Variants in OGG1 observed in about 807,000 individuals in gnomAD.
OGG1 encodes the protein N-glycosylase/DNA lyase.
Under a neutral mutation model 42.3 loss-of-function variants are expected in OGG1, and 35 were observed. The ratio of observed to expected loss-of-function variants is 0.83; its 90% confidence interval spans 0.63 to 1.10. The LOEUF (loss-of-function observed/expected upper bound fraction) is 1.10, where lower values mean the gene tolerates loss of function less well. Among genes scored for constraint, OGG1 ranks in the 50% least tolerant of loss-of-function variants. The pLI is 0.00. For missense variants in OGG1, 484 were observed against 446.7 expected (o/e 1.08, Z -0.75); for synonymous variants, 189 against 179.0 (o/e 1.06, Z -0.44).
Position 9,775,786 on chromosome 3 carries a change from C to T in OGG1, c.295-5727C>T, listed in dbSNP as rs574743287. On this transcript the variant is annotated intron_variant, in intron 2 of 3. Coordinates refer to the OGG1 transcript ENST00000426518. Reference sequence around the variant, plus strand: ...TCCCAAGTAGCTGGGATTACAGGTGCGTGCCACCATGCCTGGCTACGTTTT... The same window carrying T: ...TCCCAAGTAGCTGGGATTACAGGTGTGTGCCACCATGCCTGGCTACGTTTT... Among the ~76,000 whole-genome samples the T allele has an allele frequency of 1.2e-3, 187 of 152,086 alleles. 2 individuals carry two copies. The highest frequency in any genetic ancestry group is 1.7e-3 in the Non-Finnish European group (116 of 67,992).
chr3:9,782,894 C>T (rs535911837), intron 3 of OGG1, among the ~76,000 whole-genome samples: 12 of 152,036 alleles, frequency 7.9e-5, no homozygotes, highest in South Asian at 2.1e-4. Flanking sequence ...GAGACTTGTT[C>T]GGGTTGCTTC....
intron 3 of OGG1, among the ~76,000 whole-genome samples, chr3:9,782,236 T>G (rs1034125782): frequency 6.6e-6 from 1 of 152,216 alleles, no homozygotes; most frequent in African/African-American, 2.4e-5. Context: ...TGTTTTCTTC[T>G]TCTCACCTTT....
intron 7 of OGG1, among the ~76,000 whole-genome samples, chr3:9,764,035 T>C (rs2078020681): frequency 6.6e-6 from 1 of 152,118 alleles, no homozygotes; most frequent in Admixed American, 6.6e-5. Context: ...TTTGTCAGCC[T>C]CCCCCACCAG....
At chr3:9,785,474 C>T (rs1268172192) in intron 3 of OGG1, 4 of 1,314,264 alleles carry the variant, frequency 3.0e-6, no homozygotes, top group Non-Finnish European at 4.4e-6. Flanking sequence ...GTTCCACTTT[C>T]CTGCTCCTTT....
chr3:9,758,923 C>G (rs1232759535), downstream of OGG1: 1 of 430,818 alleles, frequency 2.3e-6, no homozygotes, highest in Non-Finnish European at 4.3e-6. Context: ...AGCCACCATG[C>G]CTGGCCCTGA....
exon 8 of OGG1, chr3:9,766,616 T>C: frequency 9.6e-7 from 1 of 1,042,752 alleles, no homozygotes; most frequent in Non-Finnish European, 1.2e-6. Flanking sequence ...TAGAACAGGT[T>C]CTTAAAAAGG....
downstream of OGG1, chr3:9,761,655 C>A: frequency 6.2e-7 from 1 of 1,614,120 alleles, no homozygotes; most frequent in Non-Finnish European, 8.5e-7. Flanking sequence ...GTTCCACAGG[C>A]GGTGGAGAGC....
At chr3:9,780,322 T>C in intron 2 of OGG1, 1 of 1,587,610 alleles carries the variant, frequency 6.3e-7, no homozygotes, top group African/African-American at 1.4e-5. Context: ...TCCCCTCCCC[T>C]AGGCCAGATA....
In OGG1 at chr3:9,750,984, A is replaced by G. The variant is rs1169737965; in HGVS notation, c.177A>G (p.Leu59=). The G allele has an allele frequency of 6.2e-7, 1 of 1,614,088 alleles. No individual in the cohort carries two copies. The highest frequency in any genetic ancestry group is 1.7e-5 in the Admixed American group (1 of 60,012). Residue 59 remains leucine (L), a synonymous_variant, in exon 2 of 7, where the codon CTA becomes CTG. Transcript: ENST00000344629. ...EQSPAHWSGV[L]ADQVWTLTQT... is the part of the protein sequence containing the mutation. ...GTCCTGCACACTGGAGTGGTGTACT[A>G]GCGGATCAAGTATGGACACTGACTC... is the stretch of plus-strand genomic sequence containing the variant.
At chr3:9,764,617 G>GTT (rs202012854) in intron 7 of OGG1, among the ~76,000 whole-genome samples, 6 of 93,428 alleles carry the variant, frequency 6.4e-5, no homozygotes, top group Non-Finnish European at 1.1e-4. Context: ...TGGCGTTTTT[G>GTT]TTTTTTTTTT....
rs1196355154 is a variant in OGG1 at position 9,771,807 on chromosome 3, CT to C, written c.295-9704del. On this transcript the variant is annotated intron_variant, in intron 2 of 3. Transcript: ENST00000426518. Reference sequence around the variant, plus strand: ...TCTGTCCTTTCGAGGACTTGTACAACTTCTTTTTTTTTTTTTTTTTTTTTTT... The same window carrying C: ...TCTGTCCTTTCGAGGACTTGTACAACTCTTTTTTTTTTTTTTTTTTTTTTT... Among the ~76,000 whole-genome samples the C allele has an allele frequency of 4.5e-5, 6 of 133,624 alleles. No individual in the cohort carries two copies. The East Asian group carries it at 1.4e-3, about 31-fold the overall frequency. 87.7% of individuals were successfully genotyped at this position (133,624 alleles called of 152,430 possible).
chr3:9,761,175 T>G, downstream of OGG1: 1 of 386,672 alleles, frequency 2.6e-6, no homozygotes, highest in Non-Finnish European at 4.7e-6. Context: ...GTTTGTAGAT[T>G]TATTTACTTG....
intron 2 of OGG1, among the ~76,000 whole-genome samples, chr3:9,773,702 TA>T (rs1487307980): frequency 3.3e-5 from 5 of 151,728 alleles, no homozygotes; most frequent in Admixed American, 6.6e-5. Flanking sequence ...ATTTATTTAT[TA>T]TTTTTTTGAG....
At position 9,779,002 on chromosome 3, in the gene OGG1, G is replaced by A. The variant is rs1270439229; in HGVS notation, c.295-2511G>A. 4.6e-5 allele frequency among the ~76,000 whole-genome samples: 7 copies of A among 151,996 alleles called. No homozygotes were observed. The East Asian group carries it at 1.3e-3, about 29-fold the overall frequency. On this transcript the variant is annotated intron_variant, in intron 2 of 3. Coordinates refer to the OGG1 transcript ENST00000426518. ...GACCTCAACCTTCCCACAGTAAATT[G>A]CAAATTATTCCCTGATTCTCTCAGA... is the stretch of plus-strand genomic sequence containing the variant.
downstream of OGG1, among the ~76,000 whole-genome samples, chr3:9,789,158 G>A (rs1575307928): frequency 2.6e-5 from 4 of 152,298 alleles, no homozygotes. Context: ...CTTAAAGAAA[G>A]AAGAAAGGTT....
At position 9,755,465 on chromosome 3, in the gene OGG1, CT is replaced by C. The variant is rs60075191; in HGVS notation, c.747+597del. On this transcript the variant is annotated intron_variant, in intron 4 of 6. Coordinates refer to ENST00000344629, the MANE Select transcript of OGG1 (RefSeq NM_002542.6). ...AGATGACTGGAAATTAGGCATTTGT[CT>C]TTTTTTTTTTTTTTTTGAGGTGGAG... 2.3e-3 allele frequency among the ~76,000 whole-genome samples: 318 copies of C among 136,322 alleles called. 2 individuals carry two copies. Among genetic ancestry groups the C allele is most frequent in the South Asian group, 0.012 (52 of 4,326 alleles). 89.4% of individuals were successfully genotyped at this position (136,322 alleles called of 152,430 possible).
downstream of OGG1, chr3:9,789,575 G>A (rs1257453005): frequency 3.1e-6 from 5 of 1,614,036 alleles, no homozygotes; most frequent in Admixed American, 3.3e-5. Context: ...CCTCCTCGCT[G>A]GTGATGTCAG....
chr3:9,751,339 G>A, intron 2 of OGG1, 147 bp downstream of exon 2: 1 of 802,074 alleles, frequency 1.2e-6, no homozygotes, highest in Non-Finnish European at 2.1e-6. Flanking sequence ...AAAGTGCTTA[G>A]AATAATGCCA....
intron 2 of OGG1, among the ~76,000 whole-genome samples, chr3:9,771,808 T>A (rs1227655588): frequency 7.7e-6 from 1 of 129,132 alleles, no homozygotes; most frequent in Non-Finnish European, 1.6e-5. Flanking sequence ...CTTGTACAAC[T>A]TCTTTTTTTT....
Sources: allele counts gnomAD v4.1 joint callset (sites outside exome capture counted in the v4.1 genomes callset), GRCh38; gene constraint gnomAD v4.1.1; transcripts MANE v1.5; gene names NCBI Gene and HGNC (gene_info 2026-07-23, HGNC 2026-07-21).